ERAP1: variants seen among roughly 807,000 people sequenced by gnomAD.
ERAP1 encodes adipocyte-derived leucine aminopeptidase.
Under a neutral mutation model 103.7 loss-of-function variants are expected in ERAP1, and 86 were observed. That is an observed-to-expected ratio of 0.83 (90% CI 0.70 to 0.99). The LOEUF (loss-of-function observed/expected upper bound fraction) is 0.99. Among genes scored for constraint, ERAP1 ranks in the 50% least tolerant of loss-of-function variants. The pLI, the probability that ERAP1 is intolerant of heterozygous loss-of-function variation, is 0.00. For synonymous variants in ERAP1, 398 were observed against 402.4 expected (o/e 0.99, Z 0.13); for missense variants, 1,009 against 1,128.4 (o/e 0.89, Z 1.52).
downstream of ERAP1, chr5:96,770,514 C>T (rs572305303): frequency 3.8e-6 from 6 of 1,585,872 alleles, no homozygotes; most frequent in Non-Finnish European, 5.2e-6. Context: ...AGCCTCATTA[C>T]ATTTCCTTTG....
At chr5:96,874,136 GAGAAAGAAAGAAAGAAAGAA>G in the ERAP1 span, among the ~76,000 whole-genome samples, 105 of 118,884 alleles carry the variant, frequency 8.8e-4, no homozygotes, top group African/African-American at 1.3e-3. Flanking sequence ...GAAAGAGAGA[GAGAAAGAAAGAAAGAAAGAA>G]AGAAAGAAAG....
rs1777924985 is a variant in ERAP1 at position 96,800,968 on chromosome 5, G to C, written c.557C>G (p.Ala186Gly). ...ILASTQFEPT[A>G]ARMAFPCFDE... ...AAAGCAGGGAAAGGCCATTCTAGCT[G>C]CAGTGGGTTCAAATTGTGTTGATGC... The change falls in exon 3 of 19, where the codon GCA becomes GGA. Residue 186 changes from alanine (A) to glycine (G), a missense_variant. By Grantham distance (60) the Ala-to-Gly change is moderately conservative. Coordinates refer to ENST00000443439, the MANE Select transcript of ERAP1 (RefSeq NM_001040458.3). 6.2e-7 allele frequency: 1 copy of C among 1,614,034 alleles called. No homozygotes were observed. Among genetic ancestry groups the C allele is most frequent in the Non-Finnish European group, 8.5e-7 (1 of 1,180,038 alleles).
At chr5:96,798,160 C>A (rs1178087976) in intron 3 of ERAP1, among the ~76,000 whole-genome samples, 2 of 151,778 alleles carry the variant, frequency 1.3e-5, no homozygotes. Flanking sequence ...CCCATCTCTA[C>A]TAAAAATATG....
Position 96,797,242 on chromosome 5 carries a change from G to T in ERAP1, c.731C>A (p.Thr244Asn). The change falls in exon 4 of 19, where the codon ACC (threonine) becomes AAC (asparagine). Residue 244 changes from threonine to asparagine, a missense_variant. This residue lies in a region of ERAP1 where 392 missense variants were observed against 455.2 expected (regional missense o/e 0.86). Coordinates refer to ENST00000443439, the MANE Select transcript of ERAP1 (RefSeq NM_001040458.3). ...DHFDVTVKMSTYLVAFIISDF... is the reference protein window; with the variant it reads ...DHFDVTVKMSNYLVAFIISDF... ...TGAAATGATGAAGGCCACCAGATAG[G>T]TGCTCATCTTCACAGTGACATCAAA... 6.2e-7 allele frequency: 1 copy of T among 1,614,140 alleles called. No individual in the cohort carries two copies. Among genetic ancestry groups the T allele is most frequent in the Non-Finnish European group, 8.5e-7 (1 of 1,180,002 alleles).
At chr5:96,832,767 C>T in the ERAP1 span, among the ~76,000 whole-genome samples, 17,515 of 152,054 alleles carry the variant, frequency 0.12, 1,296 homozygotes, top group Middle Eastern at 0.24. Context: ...CAAATATCTT[C>T]GATTTTATCG....
the ERAP1 span, among the ~76,000 whole-genome samples, chr5:96,854,252 C>G: frequency 1.3e-5 from 2 of 152,182 alleles, no homozygotes; most frequent in East Asian, 1.9e-4. Flanking sequence ...TTAGCAGTGT[C>G]TATCTGGCAA....
the ERAP1 span, among the ~76,000 whole-genome samples, chr5:96,869,334 C>G: frequency 6.6e-6 from 1 of 152,092 alleles, no homozygotes; most frequent in African/African-American, 2.4e-5. Context: ...CCTCTACCCT[C>G]CACTGACTAG....
intron 3 of ERAP1, among the ~76,000 whole-genome samples, chr5:96,798,483 G>A (rs1777610090): frequency 6.6e-6 from 1 of 152,014 alleles, no homozygotes; most frequent in Non-Finnish European, 1.5e-5. Flanking sequence ...AAAAAGCACG[G>A]AGATGGAAAA....
At chr5:96,911,961 G>A in the ERAP1 span, among the ~76,000 whole-genome samples, 25 of 150,116 alleles carry the variant, frequency 1.7e-4, no homozygotes, top group East Asian at 1.4e-3. Context: ...AGGCTGAGGC[G>A]GGCGGATCAC....
chr5:96,831,010 G>C, the ERAP1 span, among the ~76,000 whole-genome samples: 1 of 152,184 alleles, frequency 6.6e-6, no homozygotes, highest in South Asian at 2.1e-4. Context: ...GGCTGTATTA[G>C]TTCCTTCTCA....
chr5:96,856,394 A>C, the ERAP1 span, among the ~76,000 whole-genome samples: 5,506 of 123,770 alleles, frequency 0.044, 212 homozygotes, highest in South Asian at 0.1. Flanking sequence ...AGAGAGAGAG[A>C]GCAAATACTT....
Position 96,775,453 on chromosome 5 carries a change from TAAGAA to T in ERAP1, c.*938_*942del. The T allele has an allele frequency of 2.0e-6, 2 of 985,526 alleles. No homozygotes were observed. The highest frequency in any genetic ancestry group is 9.4e-5 in the South Asian group (2 of 21,288). 61.0% of individuals were successfully genotyped at this position (985,526 alleles called of 1,614,324 possible). On this transcript the variant is annotated 3_prime_UTR_variant, in exon 19 of 19. Transcript: ENST00000443439. ...AGAGAGAGAAAAAAAATCACCTCCCTAAGAAAAGGGTTTTCCTACAGACTTGAATG... is the reference window on the plus strand; with the variant it reads ...AGAGAGAGAAAAAAAATCACCTCCCTAAGGGTTTTCCTACAGACTTGAATG...
At chr5:96,894,307 G>A in the ERAP1 span, among the ~76,000 whole-genome samples, 2 of 152,164 alleles carry the variant, frequency 1.3e-5, no homozygotes, top group Non-Finnish European at 2.9e-5. Context: ...CCCTTTCCAT[G>A]AATGCCCTTC....
chr5:96,913,281 C>T, the ERAP1 span: 4 of 1,571,716 alleles, frequency 2.5e-6, no homozygotes, highest in South Asian at 3.4e-5. Flanking sequence ...TACATAATAC[C>T]TACTATTTAG....
chr5:96,785,425 GT>G (rs1775861112), intron 13 of ERAP1: 5 of 336,934 alleles, frequency 1.5e-5, no homozygotes, highest in South Asian at 1.3e-4. Context: ...AGACCCAGTG[GT>G]GGGAGAAACC....
the ERAP1 span, among the ~76,000 whole-genome samples, chr5:96,930,147 G>A: frequency 6.6e-6 from 1 of 152,144 alleles, no homozygotes; most frequent in African/African-American, 2.4e-5. Flanking sequence ...GGGCTAAACG[G>A]AAACCAGCCC....
rs546169610 is a variant in ERAP1 at position 96,776,074 on chromosome 5, C to T, written c.*322G>A. The T allele has an allele frequency of 2.4e-6, 3 of 1,255,382 alleles. No homozygotes were observed. In the East Asian group the frequency reaches 1.5e-4, roughly 62 times the overall value. The allele number at this position is 1,255,382 out of a possible 1,614,324, so 77.8% of individuals were successfully genotyped here. ...GATGAAACAGTTTATGAATGATAAA[C>T]ATGGGGTACAGGGTTTTGGACACGG... On this transcript the variant is annotated 3_prime_UTR_variant, in exon 19 of 19. Coordinates refer to ENST00000443439, the MANE Select transcript of ERAP1 (RefSeq NM_001040458.3).
the ERAP1 span, chr5:96,915,788 T>C: frequency 2.0e-5 from 31 of 1,561,964 alleles, no homozygotes; most frequent in Non-Finnish European, 2.7e-5. Context: ...CTTTCTGTTT[T>C]TAACAATTTC....
the ERAP1 span, among the ~76,000 whole-genome samples, chr5:96,856,777 C>G: frequency 1.3e-5 from 2 of 152,186 alleles, no homozygotes; most frequent in Non-Finnish European, 2.9e-5. Context: ...ACTGGTCTCT[C>G]CCACTTGATA....
Sources: gnomAD v4.1 joint callset for allele counts (sites outside exome capture counted in the v4.1 genomes callset) on GRCh38, gnomAD v4.1.1 for gene constraint, gnomAD v4.1.1 regional missense constraint, MANE v1.5 for transcripts, NCBI Gene and HGNC (gene_info 2026-07-23, HGNC 2026-07-21) for gene names.